The following TJAP1 variants were observed in gnomAD, a reference collection of about 807,000 sequenced individuals.
TJAP1 encodes the protein tight junction associated protein 1, also known as tight junction-associated protein 1.
TJAP1 carries 27 observed loss-of-function variants against 42.0 expected under a neutral mutation model. That is an observed-to-expected ratio of 0.64 (90% CI 0.47 to 0.89). The LOEUF (loss-of-function observed/expected upper bound fraction) is 0.89. TJAP1 is among the 40% of genes least tolerant of loss of function. TJAP1 has a pLI of 0.00. For missense variants in TJAP1, 712 were observed against 726.9 expected (o/e 0.98, Z 0.24); for synonymous variants, 257 against 288.4 (o/e 0.89, Z 1.10).
chr6:43,505,160 C>G lies in TJAP1; in HGVS notation c.979C>G (p.Pro327Ala), dbSNP rs771696551. ...CCCGTCTCCACCACACCCACTGTAT[C>G]CTGGCCGCAGGGTAATAGAGTTCTC... Residue 327 changes from proline to alanine, a missense_variant, in exon 11 of 11, where the codon CCT becomes GCT. By Grantham distance (27) the Pro-to-Ala change is conservative. Coordinates refer to ENST00000372449, the Ensembl canonical transcript of TJAP1. The surrounding 1 kb of genome is among the most constrained non-coding windows in gnomAD (Gnocchi z 5.5). 4.3e-6 allele frequency: 7 copies of G among 1,614,104 alleles called. No individual in the cohort carries two copies. In the East Asian group the frequency reaches 1.6e-4, roughly 36 times the overall value.
In TJAP1 at chr6:43,500,903, GA is replaced by G. The variant is rs1210122566; in HGVS notation, c.128+132del. The G allele has an allele frequency of 7.8e-6, 8 of 1,020,764 alleles. No homozygotes were observed. The African/African-American group carries it at 1.3e-4, about 16-fold the overall frequency. The allele number at this position is 1,020,764 out of a possible 1,614,324, so 63.2% of individuals were successfully genotyped here. ...AAAGGTTGGGATGGGTTGTTTTAGG[GA>G]CTCTGGGAGGAGTGTTGATGTTGTG... On this transcript the variant is annotated intron_variant, in intron 5 of 10. Coordinates refer to ENST00000372449, the Ensembl canonical transcript of TJAP1.
intron 2 of TJAP1, among the ~76,000 whole-genome samples, chr6:43,481,510 T>A: frequency 8.4e-6 from 1 of 119,322 alleles, no homozygotes; most frequent in African/African-American, 2.9e-5. Context: ...AACTTAACAG[T>A]CAATGTCTTT....
Position 43,505,912 on chromosome 6 carries a change from C to T in TJAP1, c.*57C>T, listed in dbSNP as rs1189442857. 4 of 1,420,942 alleles carry T rather than the reference C, an allele frequency of 2.8e-6. No individual in the cohort carries two copies. Among genetic ancestry groups the T allele is most frequent in the Non-Finnish European group, 3.7e-6 (4 of 1,091,346 alleles). 88.0% of individuals were successfully genotyped at this position (1,420,942 alleles called of 1,614,324 possible). On this transcript the variant is annotated 3_prime_UTR_variant, in exon 11 of 11. Coordinates refer to ENST00000372449, the Ensembl canonical transcript of TJAP1. This position sits in a 1 kb window ranked among gnomAD's most constrained non-coding sequence, Gnocchi z 5.5. Reference sequence around the variant, plus strand: ...CCAGGACTGCAAGGAGTCCCCACACCTTGGCAGCTCAGGGTCCCCAGTCCA... The same window carrying T: ...CCAGGACTGCAAGGAGTCCCCACACTTTGGCAGCTCAGGGTCCCCAGTCCA...
intron 2 of TJAP1, among the ~76,000 whole-genome samples, chr6:43,488,817 CCTTGGCCTATTTGAGCT>C (rs1174404021): frequency 6.6e-6 from 1 of 152,114 alleles, no homozygotes; most frequent in East Asian, 1.9e-4. Context: ...CATAGTCAGG[CCTTGGCCTATTTGAGCT>C]CTTGGGCTGT....
chr6:43,486,487 C>G (rs1316444247), intron 2 of TJAP1, among the ~76,000 whole-genome samples: 1 of 151,764 alleles, frequency 6.6e-6, no homozygotes. Context: ...TCCCGAGTAG[C>G]TGGGACTACA....
chr6:43,503,538 T>G, intron 9 of TJAP1, 30 bp downstream of exon 9: 1 of 1,611,516 alleles, frequency 6.2e-7, no homozygotes, highest in Non-Finnish European at 8.5e-7. Context: ...CGGGCCTTCC[T>G]CACCTGGGGC....
chr6:43,503,316 T>C (rs1791403935), intron 8 of TJAP1, 85 bp from the exon 9 acceptor site: 2 of 1,060,436 alleles, frequency 1.9e-6, no homozygotes, highest in African/African-American at 1.6e-5. Context: ...CTGTGGCCTC[T>C]TGTGTCTCCA....
At chr6:43,504,500 G>A in intron 10 of TJAP1, 1 of 539,086 alleles carries the variant, frequency 1.9e-6, no homozygotes, top group South Asian at 2.3e-5. Context: ...GGAGATAGAA[G>A]TTTGAGAACA....
chr6:43,505,920 C>T lies in TJAP1; in HGVS notation c.*65C>T. 4.2e-6 allele frequency: 6 copies of T among 1,414,244 alleles called. No individual in the cohort carries two copies. The highest frequency in any genetic ancestry group is 5.5e-6 in the Non-Finnish European group (6 of 1,086,570). 87.6% of individuals were successfully genotyped at this position (1,414,244 alleles called of 1,614,324 possible). On this transcript the variant is annotated 3_prime_UTR_variant, in exon 11 of 11. Coordinates refer to ENST00000372449, the Ensembl canonical transcript of TJAP1. This position sits in a 1 kb window ranked among gnomAD's most constrained non-coding sequence, Gnocchi z 5.5. ...GCAAGGAGTCCCCACACCTTGGCAG[C>T]TCAGGGTCCCCAGTCCAAGCCCTTG...
chr6:43,504,209 G>A, intron 10 of TJAP1: 1 of 233,344 alleles, frequency 4.3e-6, no homozygotes, highest in South Asian at 5.8e-5. Context: ...CCGCCTCCCG[G>A]CTTCAAGCAA....
chr6:43,506,337 G>C (rs1042167776), exon 11 of TJAP1: 3 of 152,836 alleles, frequency 2.0e-5, no homozygotes, highest in Admixed American at 2.0e-4. Flanking sequence ...GCCTGGCACA[G>C]CTGGCCTTGG....
rs1194797185 is a variant in TJAP1, at chr6:43,501,923, ACACACT to A, written c.290+238_290+243del. On this transcript the variant is annotated intron_variant, in intron 6 of 10. Transcript: ENST00000372449. ...CACACACACACACACACACACACACACACACTCTCTCTCTCTCTCTCTCTCTCTCTC... is the reference window on the plus strand; with the variant it reads ...CACACACACACACACACACACACACACTCTCTCTCTCTCTCTCTCTCTCTC... Among the ~76,000 whole-genome samples the A allele has an allele frequency of 5.5e-3, 599 of 107,996 alleles. 2 individuals are homozygous for A. Among genetic ancestry groups the A allele is most frequent in the Non-Finnish European group, 7.0e-3 (386 of 55,040 alleles). 70.8% of individuals were successfully genotyped at this position (107,996 alleles called of 152,430 possible). A position where few individuals can be genotyped will look rare whatever the true frequency, so the allele number is the denominator to read the frequency against.
rs572963435 is a variant in TJAP1 at position 43,492,751 on chromosome 6, G to C, written c.-121-5130G>C. On this transcript the variant is annotated intron_variant, in intron 2 of 10. Transcript: ENST00000372449. This position sits in a 1 kb window ranked among gnomAD's most constrained non-coding sequence, Gnocchi z 4.2. ...CCAAGGCCAGGTCACCTGGTTCCAG[G>C]GCTTACGCTTGCAGGGTGACCATTT... 5.9e-5 allele frequency among the ~76,000 whole-genome samples: 9 copies of C among 152,186 alleles called. No individual in the cohort carries two copies. Among genetic ancestry groups the C allele is most frequent in the Non-Finnish European group, 1.3e-4 (9 of 68,024 alleles).
chr6:43,497,950 A>G (rs1324005547), exon 3 of TJAP1: 1 of 152,278 alleles, frequency 6.6e-6, no homozygotes, highest in African/African-American at 2.4e-5. Flanking sequence ...CGGACAGCGG[A>G]ACAGAGAGAG....
At chr6:43,493,546 C>T (rs553577890) in intron 2 of TJAP1, among the ~76,000 whole-genome samples, 2 of 152,288 alleles carry the variant, frequency 1.3e-5, no homozygotes, top group South Asian at 4.1e-4. Context: ...GTCTCCCTCT[C>T]CTGGGCTGGT....
At position 43,505,738 on chromosome 6, in the gene TJAP1, C is replaced by G. The variant is rs750786348; in HGVS notation, c.1557C>G (p.Ala519=). Reference sequence around the variant, plus strand: ...GCACTTCCCACACCGAGGGCAGGGCCTGGCCACTCCCCAGCTCCAGTCGCC... The same window carrying G: ...GCACTTCCCACACCGAGGGCAGGGCGTGGCCACTCCCCAGCTCCAGTCGCC... Residue 519 remains alanine, a synonymous_variant, in exon 11 of 11, where the codon GCC becomes GCG. Coordinates refer to ENST00000372449, the Ensembl canonical transcript of TJAP1. This position sits in a 1 kb window ranked among gnomAD's most constrained non-coding sequence, Gnocchi z 5.5. The G allele has an allele frequency of 2.6e-6, 4 of 1,538,458 alleles. No homozygotes were observed. The highest frequency in any genetic ancestry group is 3.5e-6 in the Non-Finnish European group (4 of 1,146,198).
chr6:43,489,327 C>G (rs1787280501), intron 2 of TJAP1, among the ~76,000 whole-genome samples: 1 of 152,232 alleles, frequency 6.6e-6, no homozygotes, highest in African/African-American at 2.4e-5. Flanking sequence ...TCCTCTGGGG[C>G]TGGTTCCCTG....
exon 5 of TJAP1, chr6:43,500,747 C>A: frequency 1.2e-6 from 2 of 1,614,112 alleles, no homozygotes; most frequent in Non-Finnish European, 1.7e-6. Context: ...TGCCTAGGAA[C>A]CCCTGACTGA....
Position 43,501,753 on chromosome 6 carries a change from CACACACTCTCTCT to C in TJAP1, c.290+67_290+79del, listed in dbSNP as rs1241217530. On this transcript the variant is annotated intron_variant, in intron 6 of 10. Transcript: ENST00000372449. ...ACACACACACACACACACACACACA[CACACACTCTCTCT>C]GTCTCTCTCTCTCTCTGTGTCTCTG... 6.3e-4 allele frequency: 415 copies of C among 662,678 alleles called. 2 individuals are homozygous for C. The highest frequency in any genetic ancestry group is 1.5e-3 in the South Asian group (93 of 63,578). 41.0% of individuals were successfully genotyped at this position (662,678 alleles called of 1,614,324 possible).
Sources: allele counts gnomAD v4.1 joint callset (sites outside exome capture counted in the v4.1 genomes callset), GRCh38; gene constraint gnomAD v4.1.1; non-coding constraint Gnocchi (gnomAD v3.1); transcripts MANE v1.5; gene names NCBI Gene and HGNC (gene_info 2026-07-23, HGNC 2026-07-21).